The following RBMS3 variants were observed in gnomAD, a reference collection of about 807,000 sequenced individuals.
The protein encoded by RBMS3 is RNA-binding motif, single-stranded-interacting protein 3.
Under a neutral mutation model 66.8 loss-of-function variants are expected in RBMS3, and 27 were observed. The observed-to-expected ratio is 0.40, with a 90% CI of 0.30 to 0.56. RBMS3 has a LOEUF of 0.56. Among genes scored for constraint, RBMS3 ranks in the 20% least tolerant of loss-of-function variants. The probability of loss-of-function intolerance (pLI) is 0.40; values close to 1 mark genes in which losing one functional copy is unlikely to be tolerated. For missense variants in RBMS3, 513 were observed against 549.5 expected, an observed-to-expected ratio of 0.93 and a Z score of 0.66; for synonymous variants, 188 against 183.0, an observed-to-expected ratio of 1.03 and a Z score of -0.22.
At position 29,281,220 on chromosome 3, in the gene RBMS3, C is replaced by T. The variant is rs7609889; in HGVS notation, c.-462C>T. ...TTTCTTTCTTTCTCTTTCTCTCTCT[C>T]TTTTTTCTTTTTCTTTAAGGTGGGG... On this transcript the variant is annotated 5_prime_UTR_variant, in exon 1 of 15. Transcript: ENST00000383767. 0.36 allele frequency: 48,304 copies of T among 134,410 alleles called. 8,110 individuals are homozygous for T. The highest frequency in any genetic ancestry group is 0.5 in the East Asian group (2,322 of 4,626). 8.3% of individuals were successfully genotyped at this position (134,410 alleles called of 1,614,324 possible). A position where few individuals can be genotyped will look rare whatever the true frequency, so the allele number is the denominator to read the frequency against.
At chr3:29,993,201 A>G (rs542731737) in intron 14 of RBMS3, among the ~76,000 whole-genome samples, 1 of 152,318 alleles carries the variant, frequency 6.6e-6, no homozygotes, top group East Asian at 1.9e-4. Context: ...GAGTAAAGCC[A>G]TATGTTATTG....
chr3:29,526,352 C>G (rs1359845213), intron 3 of RBMS3: 1 of 151,534 alleles, frequency 6.6e-6, no homozygotes, highest in Non-Finnish European at 1.5e-5. Flanking sequence ...AACCCCGTCT[C>G]TACTAAAAAA....
intron 6 of RBMS3, among the ~76,000 whole-genome samples, chr3:29,803,926 A>C (rs1201142901): frequency 6.6e-6 from 1 of 152,062 alleles, no homozygotes; most frequent in Admixed American, 6.6e-5. Flanking sequence ...TCCAGAGTGC[A>C]AAGTAGGCTA....
intron 10 of RBMS3, among the ~76,000 whole-genome samples, chr3:29,913,790 A>G (rs561474936): frequency 1.3e-5 from 2 of 152,070 alleles, no homozygotes; most frequent in African/African-American, 2.4e-5. Flanking sequence ...ACTTTCCGAT[A>G]AAGGCTTTTA....
At chr3:29,444,303 G>A (rs1222779098) in intron 2 of RBMS3, among the ~76,000 whole-genome samples, 2 of 152,044 alleles carry the variant, frequency 1.3e-5, no homozygotes, top group African/African-American at 4.8e-5. Context: ...CCAATGACAT[G>A]AAGAAGTTAA....
At chr3:29,385,582 C>G (rs1019446085) in intron 1 of RBMS3, among the ~76,000 whole-genome samples, 3 of 152,272 alleles carry the variant, frequency 2.0e-5, no homozygotes, top group Middle Eastern at 3.4e-3. Flanking sequence ...TGCAACCCCC[C>G]TCTATGAGTC....
At chr3:29,435,983 AAAG>A in intron 2 of RBMS3, among the ~76,000 whole-genome samples, 1 of 151,990 alleles carries the variant, frequency 6.6e-6, no homozygotes, top group Non-Finnish European at 1.5e-5. Flanking sequence ...CAAAAAAAAA[AAAG>A]AAGACGAATC....
intron 4 of RBMS3, among the ~76,000 whole-genome samples, chr3:29,701,347 C>A (rs527380966): frequency 6.6e-6 from 1 of 152,264 alleles, no homozygotes; most frequent in East Asian, 1.9e-4. Context: ...AGCTAGGAAC[C>A]AGAATGTAAG....
At chr3:29,294,606 T>C (rs1337449341) in intron 1 of RBMS3, among the ~76,000 whole-genome samples, 7 of 151,646 alleles carry the variant, frequency 4.6e-5, no homozygotes, top group Non-Finnish European at 7.4e-5. Flanking sequence ...TAAATGGTAG[T>C]GGTGGTGGTC....
At position 29,536,087 on chromosome 3, in the gene RBMS3, A is replaced by G. The variant is rs374615880; in HGVS notation, c.307+47588A>G. ...TCTCTTAACAAGGATGAATAAAAAG[A>G]CCTGAAAAGTTAGCATGGTGGGTAC... On this transcript the variant is annotated intron_variant, in intron 3 of 14. Coordinates refer to ENST00000383767, the MANE Select transcript of RBMS3 (RefSeq NM_001003793.3). Among the ~76,000 whole-genome samples the G allele has an allele frequency of 3.0e-4, 45 of 152,260 alleles. 1 individual carries two copies. In the East Asian group the frequency reaches 7.9e-3, roughly 27 times the overall value.
intron 6 of RBMS3, among the ~76,000 whole-genome samples, chr3:29,788,654 G>A (rs914079992): frequency 1.3e-5 from 2 of 152,034 alleles, no homozygotes; most frequent in Non-Finnish European, 2.9e-5. Context: ...CAGAGATCTA[G>A]GTTGTTTACA....
chr3:29,834,431 G>A (rs911241001), intron 6 of RBMS3, among the ~76,000 whole-genome samples: 8 of 151,926 alleles, frequency 5.3e-5, no homozygotes, highest in South Asian at 2.1e-4. Flanking sequence ...GATGTAAGTC[G>A]TAACAATAAA....
chr3:29,431,512 T>G (rs900918853), intron 1 of RBMS3, among the ~76,000 whole-genome samples: 1 of 151,862 alleles, frequency 6.6e-6, no homozygotes, highest in Non-Finnish European at 1.5e-5. Flanking sequence ...AGGATGGTCT[T>G]GATCTCCCGA....
chr3:29,520,990 C>T (rs114827149), intron 3 of RBMS3, among the ~76,000 whole-genome samples: 1,912 of 152,120 alleles, frequency 0.013, 48 homozygotes, highest in African/African-American at 0.044. Flanking sequence ...TTCAGGTCTC[C>T]GCTCACATGT....
chr3:29,946,590 G>A (rs992794518), intron 12 of RBMS3, among the ~76,000 whole-genome samples: 8 of 151,548 alleles, frequency 5.3e-5, no homozygotes, highest in Admixed American at 3.3e-4. Flanking sequence ...TTGTGTTGTC[G>A]TGATGTGAAA....
chr3:29,900,465 T>C (rs977157254), intron 10 of RBMS3, among the ~76,000 whole-genome samples: 10 of 151,780 alleles, frequency 6.6e-5, no homozygotes, highest in Non-Finnish European at 1.5e-4. Context: ...GTATGACGTA[T>C]TACATTAGAA....
chr3:30,001,387 A>C (rs1393910475), intron 14 of RBMS3, among the ~76,000 whole-genome samples: 1 of 151,722 alleles, frequency 6.6e-6, no homozygotes, highest in East Asian at 2.0e-4. Context: ...GTTACGTTCC[A>C]ATATATTCAC....
chr3:29,880,733 A>C (rs776385649), intron 7 of RBMS3: 15 of 1,509,916 alleles, frequency 9.9e-6, no homozygotes, highest in Non-Finnish European at 1.3e-5. Context: ...AATGTTCCAA[A>C]TGCATATGAC....
chr3:29,281,800 T>C (rs372648399), intron 1 of RBMS3, 44 bp downstream of exon 1: 7 of 1,511,346 alleles, frequency 4.6e-6, no homozygotes, highest in South Asian at 1.2e-5. Context: ...GGTATCGTTC[T>C]GCACTTGGGA....
Sources: allele counts gnomAD v4.1 joint callset (sites outside exome capture counted in the v4.1 genomes callset), GRCh38; gene constraint gnomAD v4.1.1; transcripts MANE v1.5; gene names NCBI Gene and HGNC (gene_info 2026-07-23, HGNC 2026-07-21).